The following CC2D2A variants were observed in gnomAD, a reference collection of about 807,000 sequenced individuals.
The protein encoded by CC2D2A is coiled-coil and C2 domain-containing protein 2A.
Under a neutral mutation model 212.9 loss-of-function variants are expected in CC2D2A, and 155 were observed. The observed-to-expected ratio is 0.73, with a 90% confidence interval of 0.64 to 0.83. The LOEUF (loss-of-function observed/expected upper bound fraction) is 0.83. CC2D2A is among the 40% of genes least tolerant of loss of function. The pLI, the probability that CC2D2A is intolerant of heterozygous loss-of-function variation, is 0.00. For synonymous variants in CC2D2A, 667 were observed against 686.5 expected (o/e 0.97, Z 0.44); for missense variants, 1,856 against 1,956.2 (o/e 0.95, Z 0.97).
chr4:15,535,462 T>G (rs749186919), intron 14 of CC2D2A, among the ~76,000 whole-genome samples: 6 of 152,192 alleles, frequency 3.9e-5, no homozygotes, highest in African/African-American at 1.4e-4. Flanking sequence ...CCAAATTCTT[T>G]TGGAGTACCC....
At chr4:15,487,329 G>A (rs1467099490) in intron 4 of CC2D2A, among the ~76,000 whole-genome samples, 3 of 151,930 alleles carry the variant, frequency 2.0e-5, no homozygotes, top group Non-Finnish European at 4.4e-5. Flanking sequence ...TCCCAGTATT[G>A]GGTGCCTATG....
At chr4:15,551,348 A>G (rs2109050797) in intron 18 of CC2D2A, among the ~76,000 whole-genome samples, 1 of 152,362 alleles carries the variant, frequency 6.6e-6, no homozygotes. Flanking sequence ...AAAGTTTGAA[A>G]TAATTATAAC....
At chr4:15,556,545 C>T (rs770436664) in intron 20 of CC2D2A, among the ~76,000 whole-genome samples, 23 of 152,146 alleles carry the variant, frequency 1.5e-4, no homozygotes, top group Non-Finnish European at 2.6e-4. Flanking sequence ...AAGAACAAAA[C>T]GGGGATTGCC....
In CC2D2A at chr4:15,581,453, C is replaced by T. The variant is rs531634009; in HGVS notation, c.3975+1282C>T. 2.0e-5 allele frequency among the ~76,000 whole-genome samples: 3 copies of T among 152,316 alleles called. No individual in the cohort carries two copies. The East Asian group carries it at 5.8e-4, about 29-fold the overall frequency. The stretch of plus-strand genomic sequence containing the variant: ...GAAAGCTTGAAATAGTGTTTGCTCT[C>T]AGGTCATCTGATAATTCCTAATGAC... On this transcript the variant is annotated intron_variant, in intron 30 of 36. Transcript: ENST00000424120.
intron 30 of CC2D2A, among the ~76,000 whole-genome samples, chr4:15,585,022 G>C (rs1007853013): frequency 6.6e-6 from 1 of 152,158 alleles, no homozygotes; most frequent in Non-Finnish European, 1.5e-5. Flanking sequence ...TGAAGAAAGA[G>C]GAACTCTTAT....
intron 4 of CC2D2A, among the ~76,000 whole-genome samples, chr4:15,500,681 G>A (rs1196939952): frequency 2.6e-5 from 4 of 152,150 alleles, no homozygotes; most frequent in Non-Finnish European, 1.5e-5. Context: ...TGCAGAAATG[G>A]GCTTTGAGGC....
chr4:15,538,080 C>T lies in CC2D2A; in HGVS notation c.1946C>T (p.Thr649Met), dbSNP rs201884883. Residue 649 changes from threonine to methionine, a missense_variant, in exon 16 of 37, where the codon ACG becomes ATG. Around this residue, in one of 5 missense-constraint regions of CC2D2A, gnomAD observed 1,512 missense variants for 1,579.3 expected, o/e 0.96. Transcript: ENST00000424120. Reference sequence around the variant, plus strand: ...AGCAGGAGGAGGCCTTGGGAGCCCACGCTGGTCCCGGAGCTAAGCCTGGCA... The same window carrying T: ...AGCAGGAGGAGGCCTTGGGAGCCCATGCTGGTCCCGGAGCTAAGCCTGGCA... Reference protein sequence around the residue: ...AQSRRRPWEPTLVPELSLAGS... With the variant: ...AQSRRRPWEPMLVPELSLAGS... 200 of 1,605,808 alleles carry T rather than the reference C, an allele frequency of 1.2e-4. 1 individual carries two copies. Among genetic ancestry groups the T allele is most frequent in the Admixed American group, 7.6e-4 (45 of 58,942 alleles).
chr4:15,584,767 C>G (rs1453704422), intron 30 of CC2D2A, among the ~76,000 whole-genome samples: 1 of 152,148 alleles, frequency 6.6e-6, no homozygotes, highest in Non-Finnish European at 1.5e-5. Context: ...GGGTTAAAAT[C>G]TAGAATACGT....
chr4:15,574,191 G>A lies in CC2D2A; in HGVS notation c.3636G>A (p.Leu1212=). 1 of 1,550,716 alleles carries A rather than the reference G, an allele frequency of 6.4e-7. No homozygotes were observed. Among genetic ancestry groups the A allele is most frequent in the Non-Finnish European group, 8.7e-7 (1 of 1,146,588 alleles). ...TFKIDIPPVL[L]GYSKERNMIL... ...AAATAGATATTCCCCCAGTTCTTCT[G>A]GGCTACAGTAAGGAGCGAAATATGA... Residue 1212 remains leucine (L), a synonymous_variant, in exon 29 of 37, where the codon CTG becomes CTA. Coordinates refer to ENST00000424120, the MANE Select transcript of CC2D2A (RefSeq NM_001378615.1).
chr4:15,528,831 A>T, intron 13 of CC2D2A, 105 bp downstream of exon 13: 1 of 712,002 alleles, frequency 1.4e-6, no homozygotes, highest in Non-Finnish European at 2.3e-6. Context: ...AATACATGTG[A>T]AATTATGCCA....
At chr4:15,555,819 C>A (rs13144428) in intron 20 of CC2D2A, among the ~76,000 whole-genome samples, 20,596 of 152,238 alleles carry the variant, frequency 0.14, 1,483 homozygotes, top group Non-Finnish European at 0.15. Flanking sequence ...TCACTCCTAC[C>A]TCCAACCTCT....
intron 13 of CC2D2A, among the ~76,000 whole-genome samples, chr4:15,528,967 G>A (rs976737907): frequency 6.6e-6 from 1 of 152,218 alleles, no homozygotes; most frequent in African/African-American, 2.4e-5. Context: ...CCGCTTCTGA[G>A]AGCAGCTTGG....
At chr4:15,592,685 T>G (rs73237198) in intron 33 of CC2D2A, among the ~76,000 whole-genome samples, 13,755 of 152,264 alleles carry the variant, frequency 0.09, 774 homozygotes, top group Non-Finnish European at 0.13. Flanking sequence ...TATATTTAGA[T>G]TCTTCTAGGA....
chr4:15,519,246 C>G (rs1717062161), intron 11 of CC2D2A: 2 of 365,914 alleles, frequency 5.5e-6, no homozygotes. Flanking sequence ...CAAAATGACA[C>G]CAGTCTCTTT....
chr4:15,563,601 T>G, intron 24 of CC2D2A, 79 bp downstream of exon 24: 1 of 1,450,410 alleles, frequency 6.9e-7, no homozygotes. Context: ...GCATACTCAC[T>G]CTCATTCTTA....
At chr4:15,587,142 T>A (rs555692650) in intron 31 of CC2D2A, among the ~76,000 whole-genome samples, 3 of 152,318 alleles carry the variant, frequency 2.0e-5, no homozygotes, top group African/African-American at 7.2e-5. Context: ...TCACCTCAGA[T>A]CATCAGGCAT....
rs753631903 is a variant in CC2D2A at position 15,469,891 on chromosome 4, T to C, written c.-185T>C. On this transcript the variant is annotated 5_prime_UTR_variant, in exon 1 of 37. Transcript: ENST00000424120. ...TTAGGAACGGGTTGCTAAGCTGGTG[T>C]TTTTGCTCCAAGACATGGCTGCAGC... 4.0e-5 allele frequency: 6 copies of C among 151,158 alleles called. No homozygotes were observed. The South Asian group carries it at 8.4e-4, about 21-fold the overall frequency. 9.4% of individuals were successfully genotyped at this position (151,158 alleles called of 1,614,324 possible).
chr4:15,554,897 T>C (rs1323554087), intron 19 of CC2D2A, among the ~76,000 whole-genome samples, 175 bp from the exon 20 acceptor site: 7 of 152,180 alleles, frequency 4.6e-5, no homozygotes, highest in Non-Finnish European at 8.8e-5. Context: ...TTATTGTCCT[T>C]ATGTTTAATA....
At chr4:15,507,740 G>C (rs1203653094) in intron 6 of CC2D2A, among the ~76,000 whole-genome samples, 3 of 152,164 alleles carry the variant, frequency 2.0e-5, no homozygotes, top group African/African-American at 7.2e-5. Context: ...TGATTTTTAG[G>C]GGAATTCAAT....
Sources: allele counts gnomAD v4.1 joint callset (sites outside exome capture counted in the v4.1 genomes callset), GRCh38; gene constraint gnomAD v4.1.1; regional missense constraint gnomAD v4.1.1; transcripts MANE v1.5; gene names NCBI Gene and HGNC (gene_info 2026-07-23, HGNC 2026-07-21).